The following TMPRSS9 variants were observed in gnomAD, a reference collection of about 807,000 sequenced individuals.
TMPRSS9 encodes the protein transmembrane serine protease 9.
A neutral mutation model predicts 111.4 loss-of-function variants in TMPRSS9; 113 were observed. The ratio of observed to expected loss-of-function variants is 1.01; its 90% CI spans 0.87 to 1.19. TMPRSS9 has a LOEUF of 1.19. Among genes scored for constraint, TMPRSS9 ranks in the 50% most tolerant of loss-of-function variants. The probability of loss-of-function intolerance (pLI) is 0.00; values close to 1 mark genes in which losing one functional copy is unlikely to be tolerated. For synonymous variants in TMPRSS9, 805 were observed against 659.1 expected, an observed-to-expected ratio of 1.22 and a Z score of -3.39; for missense variants, 1,803 against 1,513.1, an observed-to-expected ratio of 1.19 and a Z score of -3.18.
chr19:2,393,174 A>C (rs531646654), intron 1 of TMPRSS9, among the ~76,000 whole-genome samples: 39 of 152,170 alleles, frequency 2.6e-4, no homozygotes, highest in Non-Finnish European at 4.7e-4. Flanking sequence ...GGACCTTTTC[A>C]CAGTGTAGAG....
chr19:2,394,440 C>T (rs919416686), intron 1 of TMPRSS9, among the ~76,000 whole-genome samples: 1 of 152,084 alleles, frequency 6.6e-6, no homozygotes, highest in African/African-American at 2.4e-5. Context: ...GCAAACAGCT[C>T]ACCATTTTAG....
chr19:2,383,518 T>C (rs1213593837), intron 1 of TMPRSS9, among the ~76,000 whole-genome samples: 1 of 150,754 alleles, frequency 6.6e-6, no homozygotes, highest in Non-Finnish European at 1.5e-5. Flanking sequence ...TAAAATTTTC[T>C]TAGAGGCAGG....
chr19:2,425,609 CG>C, intron 17 of TMPRSS9, 116 bp downstream of exon 18: 4 of 1,375,974 alleles, frequency 2.9e-6, no homozygotes, highest in Non-Finnish European at 3.7e-6. Flanking sequence ...GCTTCTCCAG[CG>C]GATCAAGCAG....
chr19:2,415,941 T>C (rs1473817323), intron 11 of TMPRSS9, 100 bp downstream of exon 12: 2 of 1,357,996 alleles, frequency 1.5e-6, no homozygotes, highest in African/African-American at 1.5e-5. Context: ...TGGACCCCAC[T>C]GGGGAGCAGC....
chr19:2,408,962 C>A (rs1971032497), intron 8 of TMPRSS9, among the ~76,000 whole-genome samples: 2 of 147,594 alleles, frequency 1.4e-5, no homozygotes, highest in Admixed American at 1.4e-4. Flanking sequence ...GGACTCCAGC[C>A]TGGGTGACAG....
rs920374880 is a variant in TMPRSS9, at chr19:2,368,781, T to TG, written c.-26+8421_-26+8422insG. ...GCATCAAGGATAAACCCAGTTTTTT[T>TG]TTTTTTTTTTTTTTTTTTTTAAAGA... On this transcript the variant is annotated intron_variant, in intron 1 of 17. Coordinates refer to the TMPRSS9 transcript ENST00000649857. Among the ~76,000 whole-genome samples, 64 of 110,944 alleles carry TG rather than the reference T, an allele frequency of 5.8e-4. 1 individual carries two copies. The highest frequency in any genetic ancestry group is 8.6e-3 in the Middle Eastern group (2 of 232). The allele number at this position is 110,944 out of a possible 152,430, so 72.8% of individuals were successfully genotyped here. A position where few individuals can be genotyped will look rare whatever the true frequency, so the allele number is the denominator to read the frequency against.
Position 2,425,411 on chromosome 19 carries a change from C to G in TMPRSS9, c.3038C>G (p.Thr1013Ser), listed in dbSNP as rs199844209. 850 of 1,575,718 alleles carry G rather than the reference C, an allele frequency of 5.4e-4. 5 individuals are homozygous for G. The African/African-American group carries it at 0.01, about 19-fold the overall frequency. ...GCCGTGCGCCTCCTCAGCGAGCAGACCTGCCGCCGCTTCTACCCAGTGCAG... is the reference window on the plus strand; with the variant it reads ...GCCGTGCGCCTCCTCAGCGAGCAGAGCTGCCGCCGCTTCTACCCAGTGCAG... Residue 1013 changes from threonine (T) to serine (S), a missense_variant, in exon 17 of 18, where the codon ACC (threonine) becomes AGC (serine). Coordinates refer to ENST00000648592, the Ensembl canonical transcript of TMPRSS9.
chr19:2,381,810 A>G (rs1198664819), intron 1 of TMPRSS9, among the ~76,000 whole-genome samples: 1 of 149,808 alleles, frequency 6.7e-6, no homozygotes, highest in Non-Finnish European at 1.5e-5. Context: ...GAGACATTAG[A>G]ATTTCAGATA....
chr19:2,421,970 C>T lies in TMPRSS9; in HGVS notation c.2271C>T (p.Arg757=), dbSNP rs534991644. The T allele has an allele frequency of 4.6e-5, 74 of 1,613,222 alleles. 1 individual carries two copies. In the South Asian group the frequency reaches 7.6e-4, roughly 17 times the overall value. ...TTAAGAAGCCGGGCGTGTACACGCG[C>T]ATCACCAGGCTAAAGGGCTGGATCC... Residue 757 remains arginine, a synonymous_variant, in exon 14 of 18, where the codon CGC becomes CGT. Transcript: ENST00000648592.
At position 2,404,105 on chromosome 19, in the gene TMPRSS9, C is replaced by T. The variant is rs1281823673; in HGVS notation, c.670+910C>T. Among the ~76,000 whole-genome samples, 3 of 152,062 alleles carry T rather than the reference C, an allele frequency of 2.0e-5. 1 individual carries two copies. Among genetic ancestry groups the T allele is most frequent in the Admixed American group, 2.0e-4 (3 of 15,228 alleles). Reference sequence around the variant, plus strand: ...ATTGCTTGAGCCCAGTAGATTGAGGCTGCAGTGAGCTATGATTGCACTACT... The same window carrying T: ...ATTGCTTGAGCCCAGTAGATTGAGGTTGCAGTGAGCTATGATTGCACTACT... On this transcript the variant is annotated intron_variant, in intron 6 of 17. Transcript: ENST00000648592.
At chr19:2,415,701 C>T (rs757867816) in exon 11 of TMPRSS9, 4 of 1,606,474 alleles carry the variant, frequency 2.5e-6, no homozygotes, top group South Asian at 1.1e-5. Flanking sequence ...TGGAGAAGCC[C>T]ACCCGGGTCG....
At chr19:2,388,769 A>C (rs570989993), upstream of TMPRSS9, among the ~76,000 whole-genome samples, 410 of 151,446 alleles carry the variant, frequency 2.7e-3, 11 homozygotes, top group South Asian at 0.047. Context: ...TACAGGCATG[A>C]GCCACCACAT....
chr19:2,405,830 C>T (rs1248484958), intron 7 of TMPRSS9, among the ~76,000 whole-genome samples: 11 of 150,062 alleles, frequency 7.3e-5, no homozygotes, highest in Admixed American at 4.7e-4. Context: ...CTCAGCCTCC[C>T]GAGTAGCTGG....
intron 1 of TMPRSS9, among the ~76,000 whole-genome samples, chr19:2,380,260 G>C (rs1415928799): frequency 6.6e-6 from 1 of 151,432 alleles, no homozygotes; most frequent in Non-Finnish European, 1.5e-5. Flanking sequence ...CCCTAGCCTG[G>C]GTCACAGAGT....
Position 2,362,999 on chromosome 19 carries a change from A to T in TMPRSS9, c.-26+2639A>T, listed in dbSNP as rs375027152. Among the ~76,000 whole-genome samples the T allele has an allele frequency of 1.2e-4, 19 of 152,172 alleles. 1 individual carries two copies. The South Asian group carries it at 3.7e-3, about 30-fold the overall frequency. ...CAAATCCCCTCTTCCTAGTCTTCTC[A>T]TCTGGGGCATGGGGATCAGGGTCCC... On this transcript the variant is annotated intron_variant, in intron 1 of 17. Coordinates refer to the TMPRSS9 transcript ENST00000649857.
intron 1 of TMPRSS9, among the ~76,000 whole-genome samples, chr19:2,394,477 C>T (rs1445631811): frequency 1.3e-5 from 2 of 152,094 alleles, no homozygotes; most frequent in Non-Finnish European, 2.9e-5. Context: ...GAGTGGAGAG[C>T]GGGAGGCGTT....
At chr19:2,399,756 T>TACA (rs1264751502) in intron 4 of TMPRSS9, among the ~76,000 whole-genome samples, 7 of 152,064 alleles carry the variant, frequency 4.6e-5, no homozygotes, top group African/African-American at 1.7e-4. Context: ...CTCACTCTGT[T>TACA]GCCCAGTCTG....
chr19:2,377,277 G>A (rs140828320), intron 1 of TMPRSS9, among the ~76,000 whole-genome samples: 1 of 133,958 alleles, frequency 7.5e-6, no homozygotes, highest in Admixed American at 7.2e-5. Flanking sequence ...ATGTATGTAT[G>A]TATGTATGTA....
Position 2,410,201 on chromosome 19 carries a change from A to T in TMPRSS9, c.1118-57A>T, listed in dbSNP as rs943973422. Reference sequence around the variant, plus strand: ...AGCTGTCCTTCAGCCTCCCAGCTCAAAGTGGCTGCCAGGGCTCCGGCACTC... The same window carrying T: ...AGCTGTCCTTCAGCCTCCCAGCTCATAGTGGCTGCCAGGGCTCCGGCACTC... On this transcript the variant is annotated intron_variant, in intron 8 of 17. Coordinates refer to ENST00000648592, the Ensembl canonical transcript of TMPRSS9. 26 of 1,602,222 alleles carry T rather than the reference A, an allele frequency of 1.6e-5. No homozygotes were observed. In the African/African-American group the frequency reaches 3.3e-4, roughly 21 times the overall value.
Sources: gnomAD v4.1 joint callset for allele counts (sites outside exome capture counted in the v4.1 genomes callset) on GRCh38, gnomAD v4.1.1 for gene constraint, MANE v1.5 for transcripts, NCBI Gene and HGNC (gene_info 2026-07-23, HGNC 2026-07-21) for gene names.